The following CEP55 variants were observed in gnomAD, a reference collection of about 807,000 sequenced individuals.
The protein encoded by CEP55 is centrosomal protein 55, also known as centrosomal protein of 55 kDa.
A neutral mutation model predicts 63.2 loss-of-function variants in CEP55; 57 were observed. The ratio of observed to expected loss-of-function variants is 0.90; its 90% CI spans 0.73 to 1.13. CEP55 has a LOEUF of 1.13. Among genes scored for constraint, CEP55 ranks in the 50% most tolerant of loss-of-function variants. The probability of loss-of-function intolerance (pLI) is 0.00; values close to 1 mark genes in which losing one functional copy is unlikely to be tolerated. For synonymous variants in CEP55, 178 were observed against 191.6 expected, an observed-to-expected ratio of 0.93 and a Z score of 0.59; for missense variants, 456 against 518.9, an observed-to-expected ratio of 0.88 and a Z score of 1.18.
intron 4 of CEP55, among the ~76,000 whole-genome samples, chr10:93,510,161 T>G (rs1179776985): frequency 6.6e-6 from 1 of 152,238 alleles, no homozygotes; most frequent in Non-Finnish European, 1.5e-5. Context: ...GTTAATGTCG[T>G]AAGCATTGTC....
chr10:93,525,730 A>G (rs1387393327), intron 8 of CEP55, among the ~76,000 whole-genome samples: 1 of 152,034 alleles, frequency 6.6e-6, no homozygotes, highest in Non-Finnish European at 1.5e-5. Flanking sequence ...TACTGGTACC[A>G]AAACAGAGAT....
At chr10:93,499,273 C>T (rs951176217) in intron 1 of CEP55, among the ~76,000 whole-genome samples, 1 of 152,092 alleles carries the variant, frequency 6.6e-6, no homozygotes, top group African/African-American at 2.4e-5. Context: ...ACTAGGCTAC[C>T]TTCTAAAACA....
intron 4 of CEP55, among the ~76,000 whole-genome samples, chr10:93,513,309 C>T (rs2057770363): frequency 6.6e-6 from 1 of 152,170 alleles, no homozygotes; most frequent in South Asian, 2.1e-4. Flanking sequence ...AGTGCCATAC[C>T]CAGGAGCTTT....
Position 93,521,447 on chromosome 10 carries a change from G to A in CEP55, c.1191+1640G>A, listed in dbSNP as rs897929746. Among the ~76,000 whole-genome samples the A allele has an allele frequency of 3.3e-5, 5 of 152,316 alleles. No homozygotes were observed. The South Asian group carries it at 1.0e-3, about 32-fold the overall frequency. On this transcript the variant is annotated intron_variant, in intron 8 of 8. Coordinates refer to ENST00000371485, the MANE Select transcript of CEP55 (RefSeq NM_018131.5). ...TCGAGTAAGTAAACAAAGCGGCCGG[G>A]AAGCTCGAACTGGGTGGAGCCCACC...
intron 4 of CEP55, 120 bp from the exon 5 acceptor site, chr10:93,515,285 A>T: frequency 1.2e-6 from 1 of 804,606 alleles, no homozygotes; most frequent in Non-Finnish European, 1.9e-6. Flanking sequence ...GGTTGCCCAG[A>T]ATTAGTCTAT....
At chr10:93,503,421 T>C in intron 3 of CEP55, 33 bp downstream of exon 3, 5 of 1,577,324 alleles carry the variant, frequency 3.2e-6, no homozygotes, top group Non-Finnish European at 4.3e-6. Flanking sequence ...CAGATTTTTT[T>C]TTTCTTTCTG....
intron 1 of CEP55, among the ~76,000 whole-genome samples, chr10:93,498,283 T>C (rs3758541): frequency 0.52 from 79,550 of 151,826 alleles, 22,987 homozygotes; most frequent in Non-Finnish European, 0.65. Context: ...CCAGAGTTTC[T>C]GTGCAAAGGT....
intron 1 of CEP55, among the ~76,000 whole-genome samples, chr10:93,498,413 G>A (rs1417941973): frequency 1.3e-5 from 2 of 152,204 alleles, no homozygotes; most frequent in African/African-American, 2.4e-5. Context: ...AGTCAACAGT[G>A]TGTTATCAAC....
chr10:93,509,220 A>G (rs1015985016), intron 4 of CEP55, among the ~76,000 whole-genome samples: 1 of 152,148 alleles, frequency 6.6e-6, no homozygotes, highest in Non-Finnish European at 1.5e-5. Context: ...TGTAAGCCCA[A>G]GCTTTTTGTT....
chr10:93,505,807 G>A (rs897012584), intron 3 of CEP55, among the ~76,000 whole-genome samples: 6 of 151,706 alleles, frequency 4.0e-5, no homozygotes, highest in Admixed American at 6.6e-5. Flanking sequence ...TAATTTTTGA[G>A]TTCCATATAA....
intron 5 of CEP55, among the ~76,000 whole-genome samples, chr10:93,516,008 T>G (rs570041644): frequency 4.6e-5 from 7 of 152,234 alleles, no homozygotes; most frequent in Non-Finnish European, 1.0e-4. Context: ...TTCACGATGC[T>G]GTCTTTTTGC....
intron 3 of CEP55, 23 bp downstream of exon 3, chr10:93,503,411 C>T (rs1403330147): frequency 6.3e-7 from 1 of 1,584,132 alleles, no homozygotes; most frequent in Non-Finnish European, 8.6e-7. Context: ...TCTTTAAACC[C>T]AGATTTTTTT....
chr10:93,503,083 G>C (rs780706561), intron 2 of CEP55, 30 bp from the exon 3 acceptor site: 1 of 1,595,140 alleles, frequency 6.3e-7, no homozygotes. Context: ...ACCTGGCTTT[G>C]TTCTAAGATT....
At position 93,496,837 on chromosome 10, in the gene CEP55, C is replaced by T. The variant is rs1589642964; in HGVS notation, c.-99C>T. 1 of 152,448 alleles carries T rather than the reference C, an allele frequency of 6.6e-6. No homozygotes were observed. The highest frequency in any genetic ancestry group is 2.1e-4 in the South Asian group (1 of 4,832). The allele number at this position is 152,448 out of a possible 1,614,324, so 9.4% of individuals were successfully genotyped here. ...AATCTCTGCCCGCTCTGATAACAGT[C>T]CTTTTCCCTGGCGCTCACTTCGTGC... On this transcript the variant is annotated 5_prime_UTR_variant, in exon 1 of 9. Coordinates refer to ENST00000371485, the MANE Select transcript of CEP55 (RefSeq NM_018131.5).
chr10:93,520,017 C>G (rs1053076412), intron 8 of CEP55: 14 of 573,924 alleles, frequency 2.4e-5, no homozygotes, highest in Non-Finnish European at 4.3e-5. Context: ...AAACATTCCC[C>G]CAACTACCCC....
rs1262007534 is a variant in CEP55 at position 93,528,471 on chromosome 10, C to G, written c.*318C>G. 4.2e-6 allele frequency: 1 copy of G among 236,424 alleles called. No individual in the cohort carries two copies. The highest frequency in any genetic ancestry group is 8.0e-6 in the Non-Finnish European group (1 of 125,060). The allele number at this position is 236,424 out of a possible 1,614,324, so 14.6% of individuals were successfully genotyped here. ...AGGTTATTGCTAATGGGTTAATGCACCAGCAAGCAAAATATTTTATGTTTT... is the reference window on the plus strand; with the variant it reads ...AGGTTATTGCTAATGGGTTAATGCAGCAGCAAGCAAAATATTTTATGTTTT... On this transcript the variant is annotated 3_prime_UTR_variant, in exon 9 of 9. Transcript: ENST00000371485.
intron 2 of CEP55, among the ~76,000 whole-genome samples, chr10:93,502,843 G>C (rs1052489486): frequency 6.6e-6 from 1 of 152,172 alleles, no homozygotes; most frequent in Non-Finnish European, 1.5e-5. Flanking sequence ...CACCACCCTT[G>C]ATAGAGGTGG....
chr10:93,496,636 C>T lies in CEP55; in HGVS notation c.-300C>T, dbSNP rs542089473. The T allele has an allele frequency of 6.6e-6, 1 of 152,370 alleles. No individual in the cohort carries two copies. Among genetic ancestry groups the T allele is most frequent in the African/African-American group, 2.4e-5 (1 of 41,588 alleles). The allele number at this position is 152,370 out of a possible 1,614,324, so 9.4% of individuals were successfully genotyped here. On this transcript the variant is annotated 5_prime_UTR_variant, in exon 1 of 9. Coordinates refer to ENST00000371485, the MANE Select transcript of CEP55 (RefSeq NM_018131.5). Reference sequence around the variant, plus strand: ...CAAACTCCCGGAAGCGGCATCCACACCTGATGGTGTGACTCGGCCGACGCG... The same window carrying T: ...CAAACTCCCGGAAGCGGCATCCACATCTGATGGTGTGACTCGGCCGACGCG...
chr10:93,500,275 G>T, intron 2 of CEP55, 41 bp downstream of exon 2: 2 of 1,490,050 alleles, frequency 1.3e-6, no homozygotes, highest in Non-Finnish European at 1.8e-6. Context: ...AGCTCTCCAA[G>T]AAAGCGATGC....
Sources: allele counts gnomAD v4.1 joint callset (sites outside exome capture counted in the v4.1 genomes callset), GRCh38; gene constraint gnomAD v4.1.1; transcripts MANE v1.5; gene names NCBI Gene and HGNC (gene_info 2026-07-23, HGNC 2026-07-21).